The following ALKBH6 variants were observed in gnomAD, a reference collection of about 807,000 sequenced individuals.
The protein encoded by ALKBH6 is alkB homolog 6, nucleotide demethylase.
A neutral mutation model predicts 25.1 loss-of-function variants in ALKBH6; 20 were observed. That is an observed-to-expected ratio of 0.80 (90% CI 0.56 to 1.16). ALKBH6 has a LOEUF of 1.16. Ranked by LOEUF, ALKBH6 falls within the 50% of genes most tolerant of loss-of-function variation. The probability of loss-of-function intolerance (pLI) is 0.00; values close to 1 mark genes in which losing one functional copy is unlikely to be tolerated. For missense variants in ALKBH6, 263 were observed against 326.5 expected, an observed-to-expected ratio of 0.81 and a Z score of 1.50; for synonymous variants, 156 against 147.5, an observed-to-expected ratio of 1.06 and a Z score of -0.42.
At position 36,011,590 on chromosome 19, in the gene ALKBH6, C is replaced by T. The variant is rs1968613749; in HGVS notation, c.124-126G>A. The T allele has an allele frequency of 3.8e-6, 4 of 1,050,490 alleles. No individual in the cohort carries two copies. In the South Asian group the frequency reaches 4.4e-5, roughly 11 times the overall value. 65.1% of individuals were successfully genotyped at this position (1,050,490 alleles called of 1,614,324 possible). A position where few individuals can be genotyped will look rare whatever the true frequency, so the allele number is the denominator to read the frequency against. On this transcript the variant is annotated intron_variant, in intron 3 of 6. Coordinates refer to ENST00000378875, the MANE Select transcript of ALKBH6 (RefSeq NM_032878.5). ...GTCATCTGTGTCTGTGGGACCATTCCCTGGGGCGGTGGGTTCCTAGGATTT... is the reference window on the plus strand; with the variant it reads ...GTCATCTGTGTCTGTGGGACCATTCTCTGGGGCGGTGGGTTCCTAGGATTT...
Position 36,014,163 on chromosome 19 carries a change from C to A in ALKBH6, c.-26+12G>T, listed in dbSNP as rs1778647613. 1 of 1,612,782 alleles carries A rather than the reference C, an allele frequency of 6.2e-7. No homozygotes were observed. Among genetic ancestry groups the A allele is most frequent in the East Asian group, 2.2e-5 (1 of 44,558 alleles). Reference sequence around the variant, plus strand: ...ACATCCATCTCTACCCCCAGCACTCCCCAAAACTGACCGTCCACCAGCGTC... The same window carrying A: ...ACATCCATCTCTACCCCCAGCACTCACCAAAACTGACCGTCCACCAGCGTC... On this transcript the variant is annotated intron_variant, in intron 1 of 6. Coordinates refer to ENST00000378875, the MANE Select transcript of ALKBH6 (RefSeq NM_032878.5).
intron 3 of ALKBH6, chr19:36,011,990 A>T (rs1968623632): frequency 6.5e-6 from 1 of 153,508 alleles, no homozygotes; most frequent in Admixed American, 6.4e-5. Context: ...GGAGGATGAG[A>T]CAGGAGAATC....
Position 36,010,391 on chromosome 19 carries a change from C to T in ALKBH6, c.453+176G>A, listed in dbSNP as rs1187924684. On this transcript the variant is annotated intron_variant, in intron 6 of 6. Coordinates refer to ENST00000378875, the MANE Select transcript of ALKBH6 (RefSeq NM_032878.5). This position sits in a 1 kb window ranked among gnomAD's most constrained non-coding sequence, Gnocchi z 5.5. ...AATCATGGCATGTGGGACAGACACC[C>T]TGTAAGCAGATGGGTTGGGTGTCTG... 7.5e-6 allele frequency: 5 copies of T among 665,010 alleles called. No homozygotes were observed. In the Admixed American group the frequency reaches 1.2e-4, roughly 16 times the overall value. 41.2% of individuals were successfully genotyped at this position (665,010 alleles called of 1,614,324 possible). A position where few individuals can be genotyped will look rare whatever the true frequency, so the allele number is the denominator to read the frequency against.
At position 36,010,416 on chromosome 19, in the gene ALKBH6, G is replaced by T. The variant is rs1968565732; in HGVS notation, c.453+151C>A. 4 of 704,738 alleles carry T rather than the reference G, an allele frequency of 5.7e-6. No homozygotes were observed. Among genetic ancestry groups the T allele is most frequent in the Non-Finnish European group, 9.9e-6 (4 of 403,106 alleles). The allele number at this position is 704,738 out of a possible 1,614,324, so 43.7% of individuals were successfully genotyped here. On this transcript the variant is annotated intron_variant, in intron 6 of 6. Coordinates refer to ENST00000378875, the MANE Select transcript of ALKBH6 (RefSeq NM_032878.5). The surrounding 1 kb of genome is among the most constrained non-coding windows in gnomAD (Gnocchi z 5.5). The stretch of plus-strand genomic sequence containing the variant: ...CTGTAAGCAGATGGGTTGGGTGTCT[G>T]GGAGGAAGTGGGTACACCCCATGAG...
Position 36,010,700 on chromosome 19 carries a change from A to G in ALKBH6, c.337-17T>C. 1 of 1,608,826 alleles carries G rather than the reference A, an allele frequency of 6.2e-7. No individual in the cohort carries two copies. The highest frequency in any genetic ancestry group is 1.1e-5 in the South Asian group (1 of 90,928). On this transcript the variant is annotated splice_polypyrimidine_tract_variant and intron_variant, in intron 5 of 6. Transcript: ENST00000378875. This position sits in a 1 kb window ranked among gnomAD's most constrained non-coding sequence, Gnocchi z 5.5. ...CTCGTGGGGCTAGGGAGTGGGCACC[A>G]GGGCTGGGCAGGGCAGGAGTCCACA...
chr19:36,013,145 T>C lies in ALKBH6; in HGVS notation c.55-56A>G. On this transcript the variant is annotated intron_variant, in intron 2 of 6. Coordinates refer to ENST00000378875, the MANE Select transcript of ALKBH6 (RefSeq NM_032878.5). The surrounding 1 kb of genome is among the most constrained non-coding windows in gnomAD (Gnocchi z 4.6). ...CCCTTCAACCCACACAGAGGACATATCATCACAGAGCAACCCCTATGCCTG... is the reference window on the plus strand; with the variant it reads ...CCCTTCAACCCACACAGAGGACATACCATCACAGAGCAACCCCTATGCCTG... 3.2e-6 allele frequency: 5 copies of C among 1,554,288 alleles called. No individual in the cohort carries two copies. The highest frequency in any genetic ancestry group is 3.6e-6 in the Non-Finnish European group (4 of 1,126,290).
chr19:36,011,088 A>T (rs780532811), intron 4 of ALKBH6, 43 bp from the exon 5 acceptor site: 2 of 1,558,860 alleles, frequency 1.3e-6, no homozygotes, highest in South Asian at 2.3e-5. Flanking sequence ...CTATAGCAAT[A>T]GATCCCCCAT....
intron 3 of ALKBH6, chr19:36,012,082 C>T (rs1658082499): frequency 2.0e-5 from 3 of 152,402 alleles, no homozygotes; most frequent in Non-Finnish European, 4.4e-5. Flanking sequence ...ATCAGTTGAA[C>T]CCAGGAGGCG....
intron 3 of ALKBH6, chr19:36,012,189 T>C (rs1418562818): frequency 6.6e-6 from 1 of 152,316 alleles, no homozygotes; most frequent in Non-Finnish European, 1.5e-5. Context: ...TCCTGATTCC[T>C]GGGCTCTCTG....
In ALKBH6 at chr19:36,013,563, C is replaced by A. The variant is rs1385798184; in HGVS notation, c.-25-141G>T. ...TGGTCTCTAAAATCTGAGTCTTCAG[C>A]ATCTTACAAGCCACACAGAGAGCCC... On this transcript the variant is annotated intron_variant, in intron 1 of 6. Transcript: ENST00000378875. The surrounding 1 kb of genome is among the most constrained non-coding windows in gnomAD (Gnocchi z 4.6). 2.1e-6 allele frequency: 3 copies of A among 1,454,176 alleles called. No homozygotes were observed. Among genetic ancestry groups the A allele is most frequent in the South Asian group, 1.4e-5 (1 of 71,008 alleles). 90.1% of individuals were successfully genotyped at this position (1,454,176 alleles called of 1,614,324 possible).
chr19:36,010,524 T>C lies in ALKBH6; in HGVS notation c.453+43A>G, dbSNP rs374150606. 6.5e-6 allele frequency: 10 copies of C among 1,544,876 alleles called. No individual in the cohort carries two copies. The African/African-American group carries it at 8.2e-5, about 13-fold the overall frequency. On this transcript the variant is annotated intron_variant, in intron 6 of 6. Transcript: ENST00000378875. This position sits in a 1 kb window ranked among gnomAD's most constrained non-coding sequence, Gnocchi z 5.5. Reference sequence around the variant, plus strand: ...AGGTCATCTTGGAGGATGTGCGAGGTTGAAGTGCCTACAAGCAGCTGGGGC... The same window carrying C: ...AGGTCATCTTGGAGGATGTGCGAGGCTGAAGTGCCTACAAGCAGCTGGGGC...
Position 36,011,151 on chromosome 19 carries a change from C to G in ALKBH6, c.185-106G>C, listed in dbSNP as rs1599685077. The G allele has an allele frequency of 4.8e-6, 7 of 1,451,612 alleles. No individual in the cohort carries two copies. In the Admixed American group the frequency reaches 1.3e-4, roughly 27 times the overall value. 89.9% of individuals were successfully genotyped at this position (1,451,612 alleles called of 1,614,324 possible). A position where few individuals can be genotyped will look rare whatever the true frequency, so the allele number is the denominator to read the frequency against. The stretch of plus-strand genomic sequence containing the variant: ...CCTGATCCTCTCAGGGACCCCTGAC[C>G]GTTTGGAGATAGCCACTGGGTCCTT... On this transcript the variant is annotated intron_variant, in intron 4 of 6. Transcript: ENST00000378875.
Position 36,010,548 on chromosome 19 carries a change from G to C in ALKBH6, c.453+19C>G. 1 of 1,603,602 alleles carries C rather than the reference G, an allele frequency of 6.2e-7. No individual in the cohort carries two copies. Among genetic ancestry groups the C allele is most frequent in the Non-Finnish European group, 8.5e-7 (1 of 1,171,288 alleles). The stretch of plus-strand genomic sequence containing the variant: ...GTTGAAGTGCCTACAAGCAGCTGGG[G>C]CAGTGTCTGGGGGCCCACCTGTTCT... On this transcript the variant is annotated intron_variant, in intron 6 of 6. Coordinates refer to ENST00000378875, the MANE Select transcript of ALKBH6 (RefSeq NM_032878.5). The surrounding 1 kb of genome is among the most constrained non-coding windows in gnomAD (Gnocchi z 5.5).
At chr19:36,011,637 G>C (rs1968614736) in intron 3 of ALKBH6, 173 bp from the exon 4 acceptor site, 2 of 662,144 alleles carry the variant, frequency 3.0e-6, no homozygotes, top group Non-Finnish European at 5.1e-6. Flanking sequence ...TTTTTTCCTG[G>C]GAACGCCTTT....
Position 36,009,195 on chromosome 19 carries a change from G to A in ALKBH6, c.*95C>T. On this transcript the variant is annotated 3_prime_UTR_variant, in exon 7 of 7. Transcript: ENST00000378875. ...ATTATTGGGAAAATAAATAACCCAG[G>A]GGAGCCCCCTTTGCCCACGGTTCCT... is the stretch of plus-strand genomic sequence containing the variant. 1 of 1,224,524 alleles carries A rather than the reference G, an allele frequency of 8.2e-7. No individual in the cohort carries two copies. The highest frequency in any genetic ancestry group is 1.0e-6 in the Non-Finnish European group (1 of 980,692). 75.9% of individuals were successfully genotyped at this position (1,224,524 alleles called of 1,614,324 possible). A position where few individuals can be genotyped will look rare whatever the true frequency, so the allele number is the denominator to read the frequency against.
chr19:36,010,544 T>G lies in ALKBH6; in HGVS notation c.453+23A>C. On this transcript the variant is annotated intron_variant, in intron 6 of 6. Coordinates refer to ENST00000378875, the MANE Select transcript of ALKBH6 (RefSeq NM_032878.5). This position sits in a 1 kb window ranked among gnomAD's most constrained non-coding sequence, Gnocchi z 5.5. ...CGAGGTTGAAGTGCCTACAAGCAGC[T>G]GGGGCAGTGTCTGGGGGCCCACCTG... The G allele has an allele frequency of 6.2e-7, 1 of 1,600,738 alleles. No homozygotes were observed. Among genetic ancestry groups the G allele is most frequent in the Non-Finnish European group, 8.6e-7 (1 of 1,168,884 alleles).
At chr19:36,011,098 T>A in intron 4 of ALKBH6, 53 bp from the exon 5 acceptor site, 1 of 1,549,740 alleles carries the variant, frequency 6.5e-7, no homozygotes. Flanking sequence ...AGATCCCCCA[T>A]TAGGGATTCC....
At position 36,013,105 on chromosome 19, in the gene ALKBH6, C is replaced by A. The variant is rs778086998; in HGVS notation, c.55-16G>T. ...CAGGTGGTGCCTAGGATAGAAAGAC[C>A]CCCTGAAGGTGTGGCCCTTCAACCC... On this transcript the variant is annotated splice_polypyrimidine_tract_variant and intron_variant, in intron 2 of 6. Coordinates refer to ENST00000378875, the MANE Select transcript of ALKBH6 (RefSeq NM_032878.5). The surrounding 1 kb of genome is among the most constrained non-coding windows in gnomAD (Gnocchi z 4.6). 2 of 1,611,424 alleles carry A rather than the reference C, an allele frequency of 1.2e-6. No homozygotes were observed. Among genetic ancestry groups the A allele is most frequent in the Admixed American group, 3.3e-5 (2 of 59,976 alleles).
chr19:36,010,826 A>G lies in ALKBH6; in HGVS notation c.336+68T>C. ...CTGCCTAATGAGTGAGGGTGGGTAC[A>G]GAGTCCCCTGCCCCAGCACAGCTCA... On this transcript the variant is annotated intron_variant, in intron 5 of 6. Transcript: ENST00000378875. This position sits in a 1 kb window ranked among gnomAD's most constrained non-coding sequence, Gnocchi z 5.5. 1.9e-6 allele frequency: 3 copies of G among 1,599,320 alleles called. No homozygotes were observed. The highest frequency in any genetic ancestry group is 2.6e-6 in the Non-Finnish European group (3 of 1,167,010).
Sources: allele counts gnomAD v4.1 joint callset, GRCh38; gene constraint gnomAD v4.1.1; non-coding constraint Gnocchi (gnomAD v3.1); transcripts MANE v1.5; gene names NCBI Gene and HGNC (gene_info 2026-07-23, HGNC 2026-07-21).